The following SIMC1 variants were observed in gnomAD, a reference collection of about 807,000 sequenced individuals.
SIMC1 encodes the protein SUMO interacting motifs containing 1.
SIMC1 carries 55 observed loss-of-function variants against 82.3 expected under a neutral mutation model. The observed-to-expected ratio is 0.67, with a 90% CI of 0.54 to 0.84. The LOEUF is 0.84. Ranked by LOEUF, SIMC1 falls within the 40% of genes least tolerant of loss-of-function variation. The pLI, the probability that SIMC1 is intolerant of heterozygous loss-of-function variation, is 0.00. For synonymous variants in SIMC1, 353 were observed against 426.3 expected, an observed-to-expected ratio of 0.83 and a Z score of 2.12; for missense variants, 915 against 1,107.2, an observed-to-expected ratio of 0.83 and a Z score of 2.46.
intron 5 of SIMC1, among the ~76,000 whole-genome samples, chr5:176,316,075 C>T (rs1253116862): frequency 2.6e-5 from 4 of 151,742 alleles, no homozygotes; most frequent in East Asian, 1.9e-4. Flanking sequence ...CTTGGGAGAC[C>T]GAGACAGGAG....
At chr5:176,307,544 GCGCCCGCCACCA>G (rs1764478140) in intron 4 of SIMC1, among the ~76,000 whole-genome samples, 1 of 152,052 alleles carries the variant, frequency 6.6e-6, no homozygotes, top group Non-Finnish European at 1.5e-5. Context: ...GGGACTACAG[GCGCCCGCCACCA>G]CGCCCGGCTA....
At chr5:176,255,763 A>C (rs1225058189) in intron 1 of SIMC1, among the ~76,000 whole-genome samples, 1 of 150,932 alleles carries the variant, frequency 6.6e-6, no homozygotes, top group Non-Finnish European at 1.5e-5. Context: ...GAAAGTAAGA[A>C]AGCCAAGAGC....
At chr5:176,308,086 G>A (rs534367648) in intron 4 of SIMC1, 29 of 742,402 alleles carry the variant, frequency 3.9e-5, no homozygotes, top group South Asian at 2.6e-4. Context: ...TGGTGCAGGC[G>A]GTGCAGGCAG....
rs1581269359 is a variant in SIMC1, at chr5:176,296,329, AATTATAAGATTATATCTT to A, written c.1734+10_1734+27del. 6.2e-7 allele frequency: 1 copy of A among 1,613,236 alleles called. No homozygotes were observed. The highest frequency in any genetic ancestry group is 8.5e-7 in the Non-Finnish European group (1 of 1,179,428). On this transcript the variant is annotated intron_variant, in intron 4 of 9. Coordinates refer to ENST00000429602, the MANE Select transcript of SIMC1 (RefSeq NM_001308195.2). ...ATGTCATGGAGGAAGAGGTAACAAC[AATTATAAGATTATATCTT>A]CTGTAGGGGAAGTTTTAACTATAAA... is the stretch of plus-strand genomic sequence containing the variant.
At chr5:176,324,510 T>G in intron 6 of SIMC1, 119 bp from the exon 7 acceptor site, 3 of 1,029,682 alleles carry the variant, frequency 2.9e-6, no homozygotes, top group Non-Finnish European at 4.1e-6. Context: ...TGTGTGTGCT[T>G]TATAAGATCC....
At chr5:176,260,492 C>A (rs1761979282) in intron 1 of SIMC1, among the ~76,000 whole-genome samples, 1 of 151,986 alleles carries the variant, frequency 6.6e-6, no homozygotes, top group Non-Finnish European at 1.5e-5. Context: ...TTTTTAAAAA[C>A]CAAATTTAGC....
intron 1 of SIMC1, among the ~76,000 whole-genome samples, chr5:176,245,510 A>G (rs1430506514): frequency 1.3e-5 from 2 of 152,122 alleles, no homozygotes; most frequent in Non-Finnish European, 1.5e-5. Context: ...AAACTAATAT[A>G]GCCTCTTGTC....
chr5:176,302,270 T>TG (rs774548696), intron 4 of SIMC1, among the ~76,000 whole-genome samples: 11 of 152,078 alleles, frequency 7.2e-5, no homozygotes, highest in Non-Finnish European at 1.6e-4. Flanking sequence ...GTTTAACATA[T>TG]GAAAGTAAAT....
Position 176,337,153 on chromosome 5 carries a change from A to T in SIMC1, c.2413+7A>T, listed in dbSNP as rs183975766. The T allele has an allele frequency of 3.7e-6, 6 of 1,613,136 alleles. No individual in the cohort carries two copies. Among genetic ancestry groups the T allele is most frequent in the African/African-American group, 1.3e-5 (1 of 75,026 alleles). On this transcript the variant is annotated splice_region_variant and intron_variant, in intron 9 of 9. Transcript: ENST00000429602. ...TATCAACATGTTTTAAGAGGTAAGGAGCATTTGTTCACAAGTGGAGTAGTG... is the reference window on the plus strand; with the variant it reads ...TATCAACATGTTTTAAGAGGTAAGGTGCATTTGTTCACAAGTGGAGTAGTG...
At chr5:176,281,337 T>C (rs1485967691) in intron 1 of SIMC1, among the ~76,000 whole-genome samples, 1 of 152,126 alleles carries the variant, frequency 6.6e-6, no homozygotes, top group East Asian at 1.9e-4. Flanking sequence ...TTCGTCTAAA[T>C]TTTTTTCAAA....
rs774139061 is a variant in SIMC1 at position 176,336,860 on chromosome 5, C to T, written c.2312C>T (p.Ser771Leu). Residue 771 changes from serine to leucine, a missense_variant, in exon 8 of 10, where the codon TCA becomes TTA. This residue lies in a region of SIMC1 where 902 missense variants were observed against 1,040.3 expected (regional missense o/e 0.87). Coordinates refer to ENST00000429602, the MANE Select transcript of SIMC1 (RefSeq NM_001308195.2). Reference protein sequence around the residue: ...QALYFLNNSTSLLKCQSDKSQ... With the variant: ...QALYFLNNSTLLLKCQSDKSQ... ...CTCTACTTTCTGAATAATTCTACGT[C>T]ACTGCTCAAGTGTCAGGTACATTTT... The T allele has an allele frequency of 4.3e-6, 7 of 1,614,010 alleles. No individual in the cohort carries two copies. In the East Asian group the frequency reaches 1.3e-4, roughly 31 times the overall value.
At chr5:176,310,760 A>G (rs1442720060) in intron 4 of SIMC1, among the ~76,000 whole-genome samples, 2 of 152,208 alleles carry the variant, frequency 1.3e-5, no homozygotes, top group Non-Finnish European at 2.9e-5. Flanking sequence ...ACATTTGATT[A>G]TGAGGTTAAG....
chr5:176,297,453 G>C (rs906092077), intron 4 of SIMC1, among the ~76,000 whole-genome samples: 7 of 128,892 alleles, frequency 5.4e-5, no homozygotes, highest in African/African-American at 1.2e-4. Flanking sequence ...AGTGAGCCCA[G>C]ATCATGCCAT....
At chr5:176,312,779 G>A (rs963842261) in intron 4 of SIMC1, among the ~76,000 whole-genome samples, 3 of 152,062 alleles carry the variant, frequency 2.0e-5, no homozygotes, top group Admixed American at 6.6e-5. Context: ...TCTGGAGTTC[G>A]GAGGTTTCCA....
intron 1 of SIMC1, among the ~76,000 whole-genome samples, chr5:176,256,022 A>G (rs1708335287): frequency 6.6e-6 from 1 of 152,192 alleles, no homozygotes; most frequent in African/African-American, 2.4e-5. Context: ...AAGTTTAACT[A>G]CTGAGATATG....
intron 2 of SIMC1, chr5:176,294,787 C>G (rs1763731193): frequency 2.4e-6 from 1 of 410,778 alleles, no homozygotes; most frequent in African/African-American, 2.1e-5. Flanking sequence ...ACCGTGAAAC[C>G]CTGTCTTTAC....
chr5:176,328,190 C>T (rs1765474716), intron 7 of SIMC1, among the ~76,000 whole-genome samples: 1 of 152,068 alleles, frequency 6.6e-6, no homozygotes, highest in South Asian at 2.1e-4. Context: ...GTGTGAGCCA[C>T]CAGGCCCAGC....
intron 5 of SIMC1, among the ~76,000 whole-genome samples, chr5:176,321,375 G>A (rs1167621525): frequency 6.6e-6 from 1 of 151,150 alleles, no homozygotes; most frequent in Non-Finnish European, 1.5e-5. Flanking sequence ...CCTGGGAGGC[G>A]GAGCTTGCAG....
chr5:176,313,637 C>T lies in SIMC1; in HGVS notation c.1735-54C>T, dbSNP rs1581299807. ...AGTATTTATGAGAGCCCAATGTTGA[C>T]TGTCATCCAAGAGACTGAGAAGAAA... On this transcript the variant is annotated intron_variant, in intron 4 of 9. Transcript: ENST00000429602. 21 of 1,602,892 alleles carry T rather than the reference C, an allele frequency of 1.3e-5. No homozygotes were observed. The East Asian group carries it at 4.7e-4, about 36-fold the overall frequency.
Sources: gnomAD v4.1 joint callset for allele counts (sites outside exome capture counted in the v4.1 genomes callset) on GRCh38, gnomAD v4.1.1 for gene constraint, gnomAD v4.1.1 regional missense constraint, MANE v1.5 for transcripts, NCBI Gene and HGNC (gene_info 2026-07-23, HGNC 2026-07-21) for gene names.